Variants in CRPPA observed in about 807,000 individuals in gnomAD.
CRPPA encodes the protein D-ribitol-5-phosphate cytidylyltransferase.
Under a neutral mutation model 52.0 loss-of-function variants are expected in CRPPA, and 43 were observed. The observed-to-expected ratio is 0.83, with a 90% CI of 0.65 to 1.07. CRPPA has a LOEUF of 1.07. Ranked by LOEUF, CRPPA falls within the 50% of genes least tolerant of loss-of-function variation. The pLI, the probability that CRPPA is intolerant of heterozygous loss-of-function variation, is 0.00. For synonymous variants in CRPPA, 250 were observed against 203.5 expected (o/e 1.23, Z -1.94); for missense variants, 629 against 551.7 (o/e 1.14, Z -1.40).
At chr7:16,346,261 A>C (rs1338869747) in intron 3 of CRPPA, among the ~76,000 whole-genome samples, 2 of 152,172 alleles carry the variant, frequency 1.3e-5, no homozygotes, top group African/African-American at 4.8e-5. Flanking sequence ...AACAAACTAG[A>C]TAATTACAAA....
intron 9 of CRPPA, among the ~76,000 whole-genome samples, chr7:16,103,627 G>C (rs183924061): frequency 6.6e-6 from 1 of 152,268 alleles, no homozygotes; most frequent in African/African-American, 2.4e-5. Context: ...TAAGAAGTAA[G>C]TGTAAGGGAC....
intron 8 of CRPPA, among the ~76,000 whole-genome samples, chr7:16,229,878 C>T (rs1450791504): frequency 6.6e-6 from 1 of 152,036 alleles, no homozygotes; most frequent in East Asian, 1.9e-4. Flanking sequence ...ATCTTTTCTT[C>T]ATTTCTGAAG....
chr7:16,220,395 G>T (rs1782465784), intron 8 of CRPPA, among the ~76,000 whole-genome samples: 1 of 89,622 alleles, frequency 1.1e-5, no homozygotes, highest in Non-Finnish European at 2.1e-5. Context: ...AGACAGGGAT[G>T]CCCTCTCTCA....
chr7:16,128,093 G>A (rs1035182251), intron 9 of CRPPA, among the ~76,000 whole-genome samples: 2 of 152,098 alleles, frequency 1.3e-5, no homozygotes, highest in African/African-American at 4.8e-5. Flanking sequence ...CCCGCCAACA[G>A]TGTAAAAGTG....
intron 3 of CRPPA, among the ~76,000 whole-genome samples, chr7:16,320,942 T>C (rs886225537): frequency 1.3e-5 from 2 of 152,172 alleles, no homozygotes; most frequent in East Asian, 1.9e-4. Context: ...AGAAACAGTA[T>C]GAATGATCTG....
intron 2 of CRPPA, among the ~76,000 whole-genome samples, chr7:16,378,709 T>C (rs1455707894): frequency 6.7e-6 from 1 of 150,284 alleles, no homozygotes; most frequent in African/African-American, 2.4e-5. Flanking sequence ...ATGGTTGAAC[T>C]AGTTTACAGT....
At chr7:16,162,581 A>G (rs145990909) in intron 9 of CRPPA, among the ~76,000 whole-genome samples, 3 of 152,106 alleles carry the variant, frequency 2.0e-5, no homozygotes, top group African/African-American at 7.2e-5. Context: ...TTTGCTGAGG[A>G]GTGTTTTACT....
Position 16,376,129 on chromosome 7 carries a change from G to C in CRPPA, c.647C>G (p.Ala216Gly), listed in dbSNP as rs387907160. The change falls in exon 3 of 10, where the codon GCT becomes GGT. Residue 216 changes from alanine (A) to glycine (G), a missense_variant. Physicochemically the swap from Ala to Gly is moderately conservative, Grantham distance 60. Coordinates refer to ENST00000407010, the MANE Select transcript of CRPPA (RefSeq NM_001101426.4). ...ARHRASEMPQ[A>G]FLFDVIYEAY... The stretch of plus-strand genomic sequence containing the variant: ...TTCATAAATCACATCAAATAGAAAA[G>C]CTTGGGGCATTTCACTTGCTCTGTG... The C allele has an allele frequency of 6.2e-7, 1 of 1,610,124 alleles. No homozygotes were observed. Among genetic ancestry groups the C allele is most frequent in the Non-Finnish European group, 8.5e-7 (1 of 1,178,138 alleles).
At chr7:16,182,301 A>C (rs1781427683) in intron 9 of CRPPA, among the ~76,000 whole-genome samples, 1 of 151,996 alleles carries the variant, frequency 6.6e-6, no homozygotes, top group African/African-American at 2.4e-5. Context: ...AGTTTATGAA[A>C]TATAAAAAGA....
intron 8 of CRPPA, among the ~76,000 whole-genome samples, chr7:16,245,646 T>G (rs1732468911): frequency 6.6e-6 from 1 of 152,180 alleles, no homozygotes. Context: ...ATCACCACAC[T>G]AAGTCAGCCT....
chr7:16,413,853 T>C (rs1276852443), intron 1 of CRPPA, among the ~76,000 whole-genome samples: 1 of 152,112 alleles, frequency 6.6e-6, no homozygotes, highest in African/African-American at 2.4e-5. Flanking sequence ...TTCCATAATA[T>C]AAACACATAC....
At chr7:16,361,048 G>A (rs1275871189) in intron 3 of CRPPA, among the ~76,000 whole-genome samples, 1 of 152,046 alleles carries the variant, frequency 6.6e-6, no homozygotes, top group African/African-American at 2.4e-5. Context: ...AAAGGAAAAA[G>A]GAATTGAATA....
At chr7:16,209,047 G>A (rs2128395554) in intron 9 of CRPPA, 1 of 432,136 alleles carries the variant, frequency 2.3e-6, no homozygotes, top group South Asian at 1.8e-5. Context: ...TTTTCTGTAT[G>A]CCCAGGGGAA....
At chr7:16,353,703 A>T (rs189060209) in intron 3 of CRPPA, among the ~76,000 whole-genome samples, 18 of 152,112 alleles carry the variant, frequency 1.2e-4, no homozygotes, top group Admixed American at 1.1e-3. Context: ...TACAAAATTT[A>T]ACCAGGCGTG....
chr7:16,358,163 T>G (rs1786352329), intron 3 of CRPPA, among the ~76,000 whole-genome samples: 1 of 152,024 alleles, frequency 6.6e-6, no homozygotes, highest in South Asian at 2.1e-4. Context: ...AGAGAAAACC[T>G]GCTAGAGAGT....
chr7:16,334,847 G>C (rs1253991694), intron 3 of CRPPA, among the ~76,000 whole-genome samples: 15 of 152,044 alleles, frequency 9.9e-5, no homozygotes, highest in Non-Finnish European at 2.9e-5. Flanking sequence ...TATTACAAAA[G>C]AACACCTGAA....
intron 9 of CRPPA, among the ~76,000 whole-genome samples, chr7:16,171,071 C>T (rs1176678221): frequency 6.6e-6 from 1 of 152,244 alleles, no homozygotes; most frequent in African/African-American, 2.4e-5. Flanking sequence ...GAGTGGACGC[C>T]AAGGCCAAGG....
intron 8 of CRPPA, 174 bp from the exon 9 acceptor site, chr7:16,216,371 T>C: frequency 2.1e-6 from 1 of 476,720 alleles, no homozygotes; most frequent in Non-Finnish European, 3.7e-6. Flanking sequence ...TGAATCCTCC[T>C]TTATAAACAC....
intron 9 of CRPPA, among the ~76,000 whole-genome samples, chr7:16,150,957 C>T (rs1345054429): frequency 6.6e-6 from 1 of 152,176 alleles, no homozygotes; most frequent in African/African-American, 2.4e-5. Context: ...ATGGACTAAT[C>T]ACCTATCATT....
Sources: gnomAD v4.1 joint callset for allele counts (sites outside exome capture counted in the v4.1 genomes callset) on GRCh38, gnomAD v4.1.1 for gene constraint, MANE v1.5 for transcripts, NCBI Gene and HGNC (gene_info 2026-07-23, HGNC 2026-07-21) for gene names.